The following GGCT variants were observed in gnomAD, a reference collection of about 807,000 sequenced individuals.
GGCT encodes the protein gamma-glutamylcyclotransferase, also known as cytochrome c-releasing factor 21.
A neutral mutation model predicts 22.1 loss-of-function variants in GGCT; 20 were observed. The observed-to-expected ratio is 0.91, with a 90% confidence interval of 0.64 to 1.32. The LOEUF (loss-of-function observed/expected upper bound fraction) is 1.32. GGCT is among the 40% of genes most tolerant of loss of function. GGCT has a pLI of 0.00. For synonymous variants in GGCT, 72 were observed against 78.4 expected (o/e 0.92, Z 0.43); for missense variants, 209 against 223.5 (o/e 0.94, Z 0.41).
In GGCT at chr7:30,504,812, C is replaced by T. The variant is rs1189714314; in HGVS notation, c.-103G>A. 5.7e-6 allele frequency: 7 copies of T among 1,220,822 alleles called. No individual in the cohort carries two copies. The highest frequency in any genetic ancestry group is 1.5e-5 in the African/African-American group (1 of 67,642). The allele number at this position is 1,220,822 out of a possible 1,614,324, so 75.6% of individuals were successfully genotyped here. A position where few individuals can be genotyped will look rare whatever the true frequency, so the allele number is the denominator to read the frequency against. On this transcript the variant is annotated 5_prime_UTR_variant, in exon 1 of 4. Coordinates refer to ENST00000275428, the MANE Select transcript of GGCT (RefSeq NM_024051.4). Reference sequence around the variant, plus strand: ...CCCCGGCGCAGTGACCGCCGCGCGGCAGCCTCAGGGTTAGGGGACTGGCGG... The same window carrying T: ...CCCCGGCGCAGTGACCGCCGCGCGGTAGCCTCAGGGTTAGGGGACTGGCGG...
chr7:30,499,014 T>C (rs756302495), intron 2 of GGCT, 76 bp from the exon 3 acceptor site: 1 of 1,287,332 alleles, frequency 7.8e-7, no homozygotes, highest in Non-Finnish European at 1.1e-6. Context: ...CTTTTTATAA[T>C]AGTCAAGATG....
chr7:30,501,934 A>C (rs1789712730), intron 1 of GGCT, among the ~76,000 whole-genome samples: 1 of 152,232 alleles, frequency 6.6e-6, no homozygotes, highest in African/African-American at 2.4e-5. Flanking sequence ...AGATGTGATA[A>C]AAGTTACAAT....
chr7:30,497,779 G>A (rs1363932202), intron 3 of GGCT: 1 of 1,454,410 alleles, frequency 6.9e-7, no homozygotes, highest in Non-Finnish European at 9.2e-7. Flanking sequence ...CCTGCCAACA[G>A]AGAGCTAAGC....
chr7:30,503,896 G>C (rs536817115), intron 1 of GGCT, among the ~76,000 whole-genome samples: 2 of 144,288 alleles, frequency 1.4e-5, no homozygotes, highest in East Asian at 2.1e-4. Flanking sequence ...CTGTCAAAAA[G>C]GTTTTGAACA....
chr7:30,504,140 A>G (rs542367033), intron 1 of GGCT, among the ~76,000 whole-genome samples: 1 of 152,368 alleles, frequency 6.6e-6, no homozygotes, highest in Admixed American at 6.5e-5. Context: ...AGGACCTCTT[A>G]GATGAGGAGC....
At chr7:30,502,272 A>G (rs1789722933) in intron 1 of GGCT, among the ~76,000 whole-genome samples, 1 of 152,106 alleles carries the variant, frequency 6.6e-6, no homozygotes, top group Admixed American at 6.5e-5. Context: ...CTCATCAGCT[A>G]TCATTAGTTT....
At chr7:30,498,738 T>A in intron 3 of GGCT, 65 bp downstream of exon 3, 1 of 1,411,202 alleles carries the variant, frequency 7.1e-7, no homozygotes, top group Non-Finnish European at 9.8e-7. Flanking sequence ...TTAAAAACAA[T>A]ATATTCTTTA....
In GGCT at chr7:30,504,822, G is replaced by A. The variant is rs552711352; in HGVS notation, c.-113C>T. 9.2e-7 allele frequency: 1 copy of A among 1,085,668 alleles called. No homozygotes were observed. The highest frequency in any genetic ancestry group is 2.4e-5 in the East Asian group (1 of 42,170). The allele number at this position is 1,085,668 out of a possible 1,614,324, so 67.3% of individuals were successfully genotyped here. On this transcript the variant is annotated 5_prime_UTR_variant, in exon 1 of 4. Coordinates refer to ENST00000275428, the MANE Select transcript of GGCT (RefSeq NM_024051.4). Reference sequence around the variant, plus strand: ...GTGACCGCCGCGCGGCAGCCTCAGGGTTAGGGGACTGGCGGGAAGCGTGGG... The same window carrying A: ...GTGACCGCCGCGCGGCAGCCTCAGGATTAGGGGACTGGCGGGAAGCGTGGG...
chr7:30,498,932 T>C lies in GGCT; in HGVS notation c.294A>G (p.Glu98=), dbSNP rs1344261653. 6.2e-7 allele frequency: 1 copy of C among 1,614,060 alleles called. No homozygotes were observed. Among genetic ancestry groups the C allele is most frequent in the South Asian group, 1.1e-5 (1 of 91,078 alleles). ...CAACATACATTCCACTTTTAACCCC[T>C]TCTTGCCTGAAACCAGAACAGCCAA... The part of the protein sequence containing the change: ...KSNLNSLDEQ[E]GVKSGMYVVI... Residue 98 remains glutamate (E), a synonymous_variant, in exon 3 of 4, where the codon GAA becomes GAG. Coordinates refer to ENST00000275428, the MANE Select transcript of GGCT (RefSeq NM_024051.4).
At chr7:30,504,401 C>T (rs529372528) in intron 1 of GGCT, among the ~76,000 whole-genome samples, 168 bp downstream of exon 1, 7 of 152,238 alleles carry the variant, frequency 4.6e-5, no homozygotes, top group Non-Finnish European at 1.0e-4. Context: ...CAGGGCCGGG[C>T]AGTGGGCGCA....
chr7:30,504,027 T>A (rs1789765093), intron 1 of GGCT, among the ~76,000 whole-genome samples: 1 of 152,196 alleles, frequency 6.6e-6, no homozygotes, highest in Non-Finnish European at 1.5e-5. Flanking sequence ...ATGAATGGAC[T>A]GGGCTGAAGA....
At chr7:30,497,738 T>A (rs1789585938) in intron 3 of GGCT, 2 of 1,372,010 alleles carry the variant, frequency 1.5e-6, no homozygotes, top group Non-Finnish European at 9.5e-7. Flanking sequence ...GGAACCAGAT[T>A]ACCTATTACA....
At chr7:30,497,332 G>A in intron 3 of GGCT, 97 bp from the exon 4 acceptor site, 1 of 809,710 alleles carries the variant, frequency 1.2e-6, no homozygotes, top group South Asian at 1.8e-5. Context: ...CTCAAAGTAT[G>A]AAGTATTAGC....
intron 1 of GGCT, among the ~76,000 whole-genome samples, chr7:30,504,112 G>A (rs2709782): frequency 6.6e-6 from 1 of 152,320 alleles, no homozygotes; most frequent in South Asian, 2.1e-4. Context: ...TTACAAATAA[G>A]ACATGGTCCC....
At chr7:30,503,206 A>G (rs1435167538) in intron 1 of GGCT, among the ~76,000 whole-genome samples, 4 of 152,154 alleles carry the variant, frequency 2.6e-5, no homozygotes. Flanking sequence ...GCCCCATTGC[A>G]CTTTGCATGC....
intron 1 of GGCT, among the ~76,000 whole-genome samples, chr7:30,503,436 GGT>G (rs1789748100): frequency 6.6e-6 from 1 of 152,134 alleles, no homozygotes; most frequent in Non-Finnish European, 1.5e-5. Flanking sequence ...TCACGGCATG[GGT>G]ACGTGGCCAA....
In GGCT at chr7:30,504,611, G is replaced by C. The variant is rs1410716563; in HGVS notation, c.99C>G (p.Leu33=). The C allele has an allele frequency of 6.2e-7, 1 of 1,614,108 alleles. No individual in the cohort carries two copies. The highest frequency in any genetic ancestry group is 8.5e-7 in the Non-Finnish European group (1 of 1,179,962). The change falls in exon 1 of 4, where the codon CTC becomes CTG. Residue 33 remains leucine (L), a synonymous_variant. Coordinates refer to ENST00000275428, the MANE Select transcript of GGCT (RefSeq NM_024051.4). ...GSNLLTERIH[L]RNPSAAFFCV... ...AGAAGAACGCCGCCGAGGGGTTTCG[G>C]AGGTGGATCCTCTCTGTCAGCAGGT...
intron 2 of GGCT, 145 bp downstream of exon 2, chr7:30,500,391 T>C (rs544094584): frequency 5.0e-5 from 28 of 556,488 alleles, no homozygotes; most frequent in African/African-American, 3.2e-4. Context: ...ACTCACATTA[T>C]CATGCCTTTT....
chr7:30,503,688 C>T (rs1286935149), intron 1 of GGCT, among the ~76,000 whole-genome samples: 3 of 151,142 alleles, frequency 2.0e-5, no homozygotes, highest in Non-Finnish European at 4.4e-5. Context: ...ATTACAGTTG[C>T]TGTGCCTCCC....
Sources: gnomAD v4.1 joint callset for allele counts (sites outside exome capture counted in the v4.1 genomes callset) on GRCh38, gnomAD v4.1.1 for gene constraint, MANE v1.5 for transcripts, NCBI Gene and HGNC (gene_info 2026-07-23, HGNC 2026-07-21) for gene names.